The following SETBP1 variants were observed in gnomAD, a reference collection of about 807,000 sequenced individuals.
SETBP1 encodes SET-binding protein.
In SETBP1, 9 loss-of-function variants were observed where a neutral mutation model predicts 101.0. The ratio of observed to expected loss-of-function variants is 0.09; its 90% confidence interval spans 0.05 to 0.16. The LOEUF (loss-of-function observed/expected upper bound fraction) is 0.16. SETBP1 is among the 10% of genes least tolerant of loss of function. SETBP1 has a pLI of 1.00. For missense variants in SETBP1, 1,858 were observed against 2,033.8 expected (o/e 0.91, Z 1.66); for synonymous variants, 818 against 788.5 (o/e 1.04, Z -0.63).
rs757474841 is a variant in SETBP1 at position 45,038,598 on chromosome 18, A to G, written c.4114A>G (p.Ile1372Val). The change falls in exon 5 of 6, where the codon ATT (isoleucine) becomes GTT (valine). Residue 1372 changes from isoleucine to valine, a missense_variant. Coordinates refer to ENST00000649279, the MANE Select transcript of SETBP1 (RefSeq NM_015559.3). The part of the protein sequence containing the change: ...KKPAAVDSVT[I>V]PPAPVLSLLA... ...GCCAGCCGCAGTTGACAGTGTTACA[A>G]TTCCACCAGCCCCAGTGTTATCTCT... is the stretch of plus-strand genomic sequence containing the variant. 1.9e-6 allele frequency: 3 copies of G among 1,614,190 alleles called. No individual in the cohort carries two copies.
intron 1 of SETBP1, among the ~76,000 whole-genome samples, chr18:44,685,378 G>A (rs1056639862): frequency 1.3e-5 from 2 of 152,192 alleles, no homozygotes; most frequent in African/African-American, 4.8e-5. Flanking sequence ...TTCTCCTAAG[G>A]AGGAAGGCCA....
intron 2 of SETBP1, among the ~76,000 whole-genome samples, chr18:44,709,657 T>C (rs2069297571): frequency 6.6e-6 from 1 of 152,126 alleles, no homozygotes; most frequent in Non-Finnish European, 1.5e-5. Context: ...AGGAGCTTCC[T>C]TAGTTGAGGC....
intron 4 of SETBP1, chr18:44,986,602 G>T (rs2094214499): frequency 7.0e-6 from 1 of 142,332 alleles, no homozygotes; most frequent in South Asian, 2.2e-4. Flanking sequence ...TATTCTATAA[G>T]CCTTTTCTTA....
At chr18:44,877,658 C>T (rs964225559) in intron 3 of SETBP1, among the ~76,000 whole-genome samples, 2 of 152,194 alleles carry the variant, frequency 1.3e-5, no homozygotes, top group Non-Finnish European at 2.9e-5. Flanking sequence ...ACATACACCT[C>T]ACACTGAAGC....
chr18:45,020,258 TA>T (rs57134217), intron 4 of SETBP1, among the ~76,000 whole-genome samples: 86 of 53,070 alleles, frequency 1.6e-3, no homozygotes, highest in African/African-American at 3.7e-3. Flanking sequence ...GACTCTGTCT[TA>T]AAAAAAAAAA....
chr18:44,742,857 T>A lies in SETBP1; in HGVS notation c.486+41025T>A, dbSNP rs1295794429. ...TTATCACTGGTTCTGTTGCTCTCCATTACTGCTCCATCCGGGACTCTGGCC... is the reference window on the plus strand; with the variant it reads ...TTATCACTGGTTCTGTTGCTCTCCAATACTGCTCCATCCGGGACTCTGGCC... On this transcript the variant is annotated intron_variant, in intron 2 of 5. Transcript: ENST00000649279. Among the ~76,000 whole-genome samples the A allele has an allele frequency of 2.0e-5, 3 of 152,018 alleles. No individual in the cohort carries two copies. In the East Asian group the frequency reaches 5.8e-4, roughly 29 times the overall value.
At chr18:44,830,164 T>C (rs2072329611) in intron 2 of SETBP1, among the ~76,000 whole-genome samples, 4 of 152,214 alleles carry the variant, frequency 2.6e-5, no homozygotes, top group Admixed American at 1.3e-4. Flanking sequence ...AGTGTACTAA[T>C]CTTCATTGAG....
chr18:44,936,851 G>A (rs980844343), intron 3 of SETBP1, among the ~76,000 whole-genome samples: 20 of 152,158 alleles, frequency 1.3e-4, no homozygotes, highest in Non-Finnish European at 2.9e-4. Flanking sequence ...GAGGGAAGCT[G>A]TACAGGAAGA....
chr18:44,713,410 C>G (rs1220891939), intron 2 of SETBP1, among the ~76,000 whole-genome samples: 1 of 152,174 alleles, frequency 6.6e-6, no homozygotes, highest in East Asian at 1.9e-4. Flanking sequence ...ACTAGGCATC[C>G]CTTTTATAGC....
At chr18:44,706,473 A>G (rs1432013158) in intron 2 of SETBP1, among the ~76,000 whole-genome samples, 1 of 151,650 alleles carries the variant, frequency 6.6e-6, no homozygotes, top group Non-Finnish European at 1.5e-5. Flanking sequence ...CTATAATCCC[A>G]GCATCTTGGG....
chr18:44,961,424 G>A (rs2071609342), intron 4 of SETBP1, among the ~76,000 whole-genome samples: 1 of 152,186 alleles, frequency 6.6e-6, no homozygotes. Context: ...GAATGGCAAG[G>A]AGTTAATGAA....
At chr18:44,704,551 TATC>T (rs764276709) in intron 2 of SETBP1, among the ~76,000 whole-genome samples, 20 of 152,358 alleles carry the variant, frequency 1.3e-4, no homozygotes, top group Non-Finnish European at 2.4e-4. Context: ...TTAATACAGC[TATC>T]ATCACTGAGT....
At chr18:44,958,187 C>T (rs1390109982) in intron 4 of SETBP1, among the ~76,000 whole-genome samples, 1 of 152,232 alleles carries the variant, frequency 6.6e-6, no homozygotes, top group Admixed American at 6.5e-5. Context: ...CCCCTGCACA[C>T]ATGTACAGGC....
intron 4 of SETBP1, among the ~76,000 whole-genome samples, chr18:45,003,629 A>G (rs1688092061): frequency 1.3e-5 from 2 of 152,128 alleles, no homozygotes; most frequent in Admixed American, 1.3e-4. Flanking sequence ...ATATGAGTCC[A>G]ATAAAAGACT....
chr18:44,952,253 C>A lies in SETBP1; in HGVS notation c.2913C>A (p.His971Gln), dbSNP rs771155434. Residue 971 changes from histidine to glutamine, a missense_variant, in exon 4 of 6, where the codon CAC (histidine) becomes CAA (glutamine). Around this residue, in one of 12 missense-constraint regions of SETBP1, gnomAD observed 255 missense variants for 300.1 expected, o/e 0.85. Coordinates refer to ENST00000649279, the MANE Select transcript of SETBP1 (RefSeq NM_015559.3). Reference sequence around the variant, plus strand: ...AGTTCCAAGTGTTCAGAATCTCCCACCGGAGTTACACCTTCTACCACGAGA... The same window carrying A: ...AGTTCCAAGTGTTCAGAATCTCCCAACGGAGTTACACCTTCTACCACGAGA... ...ITKFQVFRIS[H>Q]RSYTFYHENP... 6.2e-7 allele frequency: 1 copy of A among 1,614,174 alleles called. No individual in the cohort carries two copies. The highest frequency in any genetic ancestry group is 8.5e-7 in the Non-Finnish European group (1 of 1,180,032).
chr18:44,762,540 A>G (rs774665694), intron 2 of SETBP1, among the ~76,000 whole-genome samples: 39 of 152,182 alleles, frequency 2.6e-4, no homozygotes, highest in Non-Finnish European at 4.6e-4. Context: ...TGTTTACTAT[A>G]TAGTATTATC....
intron 5 of SETBP1, among the ~76,000 whole-genome samples, chr18:45,060,358 CA>C (rs1254244203): frequency 6.6e-6 from 1 of 152,132 alleles, no homozygotes; most frequent in African/African-American, 2.4e-5. Context: ...CTCCCACCAA[CA>C]GTATGTGAGT....
At position 44,759,881 on chromosome 18, in the gene SETBP1, C is replaced by T. The variant is rs369171407; in HGVS notation, c.486+58049C>T. The stretch of plus-strand genomic sequence containing the variant: ...CAACCAAAAAACTCCAAAAAACTGA[C>T]GTCTGCATCCTATCCTGTACCAATT... On this transcript the variant is annotated intron_variant, in intron 2 of 5. Coordinates refer to ENST00000649279, the MANE Select transcript of SETBP1 (RefSeq NM_015559.3). 4.6e-5 allele frequency among the ~76,000 whole-genome samples: 7 copies of T among 152,316 alleles called. No individual in the cohort carries two copies. In the East Asian group the frequency reaches 5.8e-4, roughly 13 times the overall value.
rs2071328249 is a variant in SETBP1 at position 44,950,814 on chromosome 18, G to A, written c.1474G>A (p.Gly492Arg). The change falls in exon 4 of 6, where the codon GGA becomes AGA. Residue 492 changes from glycine (G) to arginine (R), a missense_variant. By Grantham distance (125) the Gly-to-Arg change is moderately radical (BLOSUM62 -2). Transcript: ENST00000649279. ...TGGNAEKVIP[G>R]GVSKPRKPPM... ...TGGAAATGCTGAGAAAGTTATCCCA[G>A]GAGGTGTGTCTAAGCCGCGGAAGCC... 1 of 1,614,112 alleles carries A rather than the reference G, an allele frequency of 6.2e-7. No homozygotes were observed. The highest frequency in any genetic ancestry group is 8.5e-7 in the Non-Finnish European group (1 of 1,180,010).
Sources: allele counts gnomAD v4.1 joint callset (sites outside exome capture counted in the v4.1 genomes callset), GRCh38; gene constraint gnomAD v4.1.1; regional missense constraint gnomAD v4.1.1; transcripts MANE v1.5; gene names NCBI Gene and HGNC (gene_info 2026-07-23, HGNC 2026-07-21).